VIT: variants seen among roughly 807,000 people sequenced by gnomAD.
The protein encoded by VIT is vitrin.
A neutral mutation model predicts 78.0 loss-of-function variants in VIT; 99 were observed. The ratio of observed to expected loss-of-function variants is 1.27; its 90% CI spans 1.08 to 1.50. The LOEUF (loss-of-function observed/expected upper bound fraction) is 1.50. Ranked by LOEUF, VIT falls within the 40% of genes most tolerant of loss-of-function variation. VIT has a pLI of 0.00. For synonymous variants in VIT, 374 were observed against 334.3 expected (o/e 1.12, Z -1.29); for missense variants, 1,126 against 875.3 (o/e 1.29, Z -3.61).
intron 4 of VIT, among the ~76,000 whole-genome samples, chr2:36,754,021 A>G (rs1209252038): frequency 6.6e-6 from 1 of 152,242 alleles, no homozygotes; most frequent in Non-Finnish European, 1.5e-5. Context: ...CAACTCAGGT[A>G]TGCTGGGAGA....
intron 9 of VIT, among the ~76,000 whole-genome samples, chr2:36,776,653 G>A (rs1344299780): frequency 6.6e-6 from 1 of 151,958 alleles, no homozygotes; most frequent in Non-Finnish European, 1.5e-5. Flanking sequence ...ATACAACAAT[G>A]AGCCGGTGGT....
At chr2:36,806,125 C>G (rs1666709241) in intron 14 of VIT, among the ~76,000 whole-genome samples, 1 of 152,200 alleles carries the variant, frequency 6.6e-6, no homozygotes, top group Admixed American at 6.5e-5. Context: ...TTCAGATGCT[C>G]CTCCTGGGTT....
rs565310571 is a variant in VIT, at chr2:36,740,999, A to G, written c.119-2101A>G. On this transcript the variant is annotated intron_variant, in intron 3 of 15. Transcript: ENST00000379242. ...TTCAAAATCTCACAGTGCCAGAGTC[A>G]CATCAAAATTTAATCTTAATGCACA... is the stretch of plus-strand genomic sequence containing the variant. Among the ~76,000 whole-genome samples, 26 of 152,362 alleles carry G rather than the reference A, an allele frequency of 1.7e-4. No individual in the cohort carries two copies. The South Asian group carries it at 5.4e-3, about 32-fold the overall frequency.
At chr2:36,779,036 A>G (rs1670236635) in intron 9 of VIT, among the ~76,000 whole-genome samples, 1 of 152,170 alleles carries the variant, frequency 6.6e-6, no homozygotes, top group Non-Finnish European at 1.5e-5. Flanking sequence ...AGGAGCTGGA[A>G]CCAGCACCAA....
intron 1 of VIT, among the ~76,000 whole-genome samples, chr2:36,701,079 A>T (rs1318901830): frequency 6.9e-6 from 1 of 145,398 alleles, no homozygotes; most frequent in African/African-American, 2.6e-5. Context: ...CTGAAAACAT[A>T]ATTATCAAGC....
chr2:36,707,594 C>T (rs75319957), intron 1 of VIT, among the ~76,000 whole-genome samples: 1,695 of 152,212 alleles, frequency 0.011, 22 homozygotes, highest in Middle Eastern at 0.041. Context: ...GGGATCTGCC[C>T]GGGAGCTGTG....
intron 2 of VIT, among the ~76,000 whole-genome samples, chr2:36,721,277 C>A (rs1306973261): frequency 6.6e-6 from 1 of 152,096 alleles, no homozygotes; most frequent in East Asian, 1.9e-4. Flanking sequence ...GTCAATTATA[C>A]CTTAATGAAG....
At chr2:36,807,700 C>T (rs1666831204) in intron 14 of VIT, among the ~76,000 whole-genome samples, 2 of 152,188 alleles carry the variant, frequency 1.3e-5, no homozygotes, top group Admixed American at 6.5e-5. Context: ...TCCGGGAGCG[C>T]AACAATCAGT....
In VIT at chr2:36,814,185, G is replaced by C; in HGVS notation, c.1906G>C (p.Val636Leu). Residue 636 changes from valine to leucine, a missense_variant and splice_region_variant, in exon 16 of 16, where the codon GTG becomes CTG. Val to Leu is a conservative substitution (Grantham distance 32, BLOSUM62 1). Transcript: ENST00000379242. ...TCATCTAACCTTTGTCCCCACAGGA[G>C]TGATCACCTATGCGATAGGCGTTGC... Reference protein sequence around the residue: ...IPAMAAHLKGVITYAIGVAWA... With the variant: ...IPAMAAHLKGLITYAIGVAWA... 2 of 1,614,206 alleles carry C rather than the reference G, an allele frequency of 1.2e-6. No individual in the cohort carries two copies. Among genetic ancestry groups the C allele is most frequent in the Non-Finnish European group, 8.5e-7 (1 of 1,180,024 alleles).
At chr2:36,800,501 G>T (rs1666243644) in intron 12 of VIT, among the ~76,000 whole-genome samples, 1 of 152,182 alleles carries the variant, frequency 6.6e-6, no homozygotes, top group African/African-American at 2.4e-5. Flanking sequence ...CTCTTCTGGA[G>T]CATGGAGCCC....
chr2:36,747,664 T>C (rs995930910), intron 4 of VIT, among the ~76,000 whole-genome samples: 10 of 152,262 alleles, frequency 6.6e-5, no homozygotes, highest in African/African-American at 2.4e-4. Context: ...TGAGATGGTC[T>C]CTTGAAGACA....
At chr2:36,738,705 G>C (rs899932882) in intron 3 of VIT, among the ~76,000 whole-genome samples, 1 of 152,142 alleles carries the variant, frequency 6.6e-6, no homozygotes, top group East Asian at 1.9e-4. Flanking sequence ...AAAGGAAAAA[G>C]GGTTTCAGAG....
At position 36,808,487 on chromosome 2, in the gene VIT, A is replaced by G. The variant is rs766233274; in HGVS notation, c.1405A>G (p.Asn469Asp). 3.1e-6 allele frequency: 5 copies of G among 1,608,690 alleles called. No individual in the cohort carries two copies. The highest frequency in any genetic ancestry group is 4.3e-6 in the Non-Finnish European group (5 of 1,175,956). Residue 469 changes from asparagine (N) to aspartate (D), a missense_variant, in exon 15 of 16, where the codon AAC becomes GAC. By Grantham distance (23) the Asn-to-Asp change is conservative. Coordinates refer to ENST00000379242, the MANE Select transcript of VIT (RefSeq NM_053276.4). ...TGTCTTCTAGGCCGTGTGCAGAACA[A>G]ACGGCTTCTACTCGCTCCACGTGCA... ...NFANKAVCRT[N>D]GFYSLHVQSW... is the part of the protein sequence containing the mutation.
chr2:36,728,992 C>T (rs369954346), intron 2 of VIT, among the ~76,000 whole-genome samples: 5 of 152,080 alleles, frequency 3.3e-5, no homozygotes, highest in African/African-American at 1.2e-4. Flanking sequence ...TCCATTCATG[C>T]TAAGTGTCCT....
At chr2:36,782,601 A>G (rs1664834515) in intron 10 of VIT, among the ~76,000 whole-genome samples, 1 of 152,176 alleles carries the variant, frequency 6.6e-6, no homozygotes, top group African/African-American at 2.4e-5. Context: ...TGGGAAGCCC[A>G]TTCGTGTTAC....
At chr2:36,802,484 G>C (rs1241927705) in intron 13 of VIT, among the ~76,000 whole-genome samples, 2 of 152,168 alleles carry the variant, frequency 1.3e-5, no homozygotes, top group African/African-American at 2.4e-5. Context: ...TCCCACTTCA[G>C]TGTATGTCTC....
At chr2:36,779,034 G>A (rs550352033) in intron 9 of VIT, among the ~76,000 whole-genome samples, 6 of 152,346 alleles carry the variant, frequency 3.9e-5, no homozygotes, top group African/African-American at 1.4e-4. Flanking sequence ...GAAGGAGCTG[G>A]AACCAGCACC....
chr2:36,810,554 C>T (rs146887074), intron 15 of VIT, among the ~76,000 whole-genome samples: 2 of 152,136 alleles, frequency 1.3e-5, no homozygotes, highest in African/African-American at 4.8e-5. Context: ...AGTCAATGAA[C>T]ACCAATGCCC....
intron 3 of VIT, among the ~76,000 whole-genome samples, chr2:36,738,401 G>A (rs1375444103): frequency 1.3e-5 from 2 of 151,642 alleles, no homozygotes; most frequent in Admixed American, 6.6e-5. Context: ...TGCCTTTTAG[G>A]GTTTTGTAAG....
Sources: gnomAD v4.1 joint callset for allele counts (sites outside exome capture counted in the v4.1 genomes callset) on GRCh38, gnomAD v4.1.1 for gene constraint, MANE v1.5 for transcripts, NCBI Gene and HGNC (gene_info 2026-07-23, HGNC 2026-07-21) for gene names.